TRPV3: variants seen among roughly 807,000 people sequenced by gnomAD.
TRPV3 encodes VRL-3.
TRPV3 carries 88 observed loss-of-function variants against 87.1 expected under a neutral mutation model. The observed-to-expected ratio is 1.01, with a 90% CI of 0.85 to 1.21. The LOEUF (loss-of-function observed/expected upper bound fraction) is 1.21. TRPV3 is among the 50% of genes most tolerant of loss of function. The pLI is 0.00. For synonymous variants in TRPV3, 438 were observed against 423.3 expected (o/e 1.03, Z -0.43); for missense variants, 1,054 against 1,030.1 (o/e 1.02, Z -0.32).
In TRPV3 at chr17:3,535,614, G is replaced by A; in HGVS notation, c.743C>T (p.Ala248Val). ...GTGTTGGTACTTGGGGTTGAAGAAG[G>A]CCCCCTTGGCGTGCGCGTTGACGTC... Reference protein sequence around the residue: ...GADVNAHAKGAFFNPKYQHEG... With the variant: ...GADVNAHAKGVFFNPKYQHEG... The change falls in exon 7 of 18, where the codon GCC becomes GTC. Residue 248 changes from alanine (A) to valine (V), a missense_variant. Ala to Val is a moderately conservative substitution (Grantham distance 64). Coordinates refer to ENST00000576742, the MANE Select transcript of TRPV3 (RefSeq NM_145068.4). 2.5e-6 allele frequency: 4 copies of A among 1,609,450 alleles called. No homozygotes were observed. The highest frequency in any genetic ancestry group is 2.5e-6 in the Non-Finnish European group (3 of 1,178,650).
At position 3,526,307 on chromosome 17, in the gene TRPV3, G is replaced by C. The variant is rs143407458; in HGVS notation, c.1577+547C>G. Among the ~76,000 whole-genome samples the C allele has an allele frequency of 4.0e-3, 606 of 152,092 alleles. 5 individuals carry two copies. Among genetic ancestry groups the C allele is most frequent in the African/African-American group, 0.014 (579 of 41,492 alleles). On this transcript the variant is annotated intron_variant, in intron 12 of 17. Transcript: ENST00000576742. ...AGCCTGACCAACATGGCGAAACCCTGTCTCTACTAAAAATACAAAAAGGAG... is the reference window on the plus strand; with the variant it reads ...AGCCTGACCAACATGGCGAAACCCTCTCTCTACTAAAAATACAAAAAGGAG...
Position 3,518,778 on chromosome 17 carries a change from G to A in TRPV3, c.1883C>T (p.Ala628Val). The change falls in exon 15 of 18, where the codon GCA becomes GTA. Residue 628 changes from alanine to valine, a missense_variant. Coordinates refer to ENST00000576742, the MANE Select transcript of TRPV3 (RefSeq NM_145068.4). This position sits in a 1 kb window ranked among gnomAD's most constrained non-coding sequence, Gnocchi z 4.3. ...GGTGAGCTTGAAGAGTTCCAGCACTGCGTCGCTGAAGCTGCCGTAGGAGCT... is the reference window on the plus strand; with the variant it reads ...GGTGAGCTTGAAGAGTTCCAGCACTACGTCGCTGAAGCTGCCGTAGGAGCT... ...DCSSYGSFSDAVLELFKLTIG... is the reference protein window; with the variant it reads ...DCSSYGSFSDVVLELFKLTIG... The A allele has an allele frequency of 6.2e-7, 1 of 1,614,126 alleles. No homozygotes were observed. The highest frequency in any genetic ancestry group is 8.5e-7 in the Non-Finnish European group (1 of 1,180,000).
chr17:3,513,883 C>T lies in TRPV3; in HGVS notation c.*34G>A. 6.4e-7 allele frequency: 1 copy of T among 1,565,658 alleles called. No homozygotes were observed. The highest frequency in any genetic ancestry group is 8.8e-7 in the Non-Finnish European group (1 of 1,138,222). ...CGGTGACTCCGCCTGCAGCGCCAGA[C>T]AGCGCACGCGCACACCAGCTCTGGG... is the stretch of plus-strand genomic sequence containing the variant. On this transcript the variant is annotated 3_prime_UTR_variant, in exon 18 of 18. Coordinates refer to ENST00000576742, the MANE Select transcript of TRPV3 (RefSeq NM_145068.4).
In TRPV3 at chr17:3,518,445, C is replaced by CCA; in HGVS notation, c.2085+129_2085+130dup. On this transcript the variant is annotated intron_variant, in intron 15 of 17. Transcript: ENST00000576742. The surrounding 1 kb of genome is among the most constrained non-coding windows in gnomAD (Gnocchi z 4.3). ...TAGGCTAAGGCCTCCTCAAACCTGG[C>CCA]CACACACTGAGGAGCTTGTGCAGAT... 9.0e-7 allele frequency: 1 copy of CCA among 1,107,074 alleles called. No homozygotes were observed. The allele number at this position is 1,107,074 out of a possible 1,614,324, so 68.6% of individuals were successfully genotyped here. A position where few individuals can be genotyped will look rare whatever the true frequency, so the allele number is the denominator to read the frequency against.
intron 13 of TRPV3, among the ~76,000 whole-genome samples, chr17:3,523,681 T>G (rs115371847): frequency 0.05 from 7,523 of 150,552 alleles, 628 homozygotes; most frequent in African/African-American, 0.17. Flanking sequence ...TCGCACCACT[T>G]TACTCTGGCC....
chr17:3,528,182 AC>A lies in TRPV3; in HGVS notation c.1402-57del. 7.0e-7 allele frequency: 1 copy of A among 1,431,204 alleles called. No homozygotes were observed. The highest frequency in any genetic ancestry group is 9.6e-7 in the Non-Finnish European group (1 of 1,041,810). 88.7% of individuals were successfully genotyped at this position (1,431,204 alleles called of 1,614,324 possible). On this transcript the variant is annotated intron_variant, in intron 10 of 17. Coordinates refer to ENST00000576742, the MANE Select transcript of TRPV3 (RefSeq NM_145068.4). The surrounding 1 kb of genome is among the most constrained non-coding windows in gnomAD (Gnocchi z 4.2). ...AGGAAGCAAGGAGGACAGGGCTGGC[AC>A]CAACTCTAGAGGGACCAAAACCCAG...
chr17:3,539,102 G>A (rs1257971616), intron 6 of TRPV3, among the ~76,000 whole-genome samples: 1 of 152,104 alleles, frequency 6.6e-6, no homozygotes, highest in Non-Finnish European at 1.5e-5. Context: ...GTGAAAAGAA[G>A]CTAGACTTTC....
chr17:3,522,440 AT>A (rs1429661640), intron 13 of TRPV3, among the ~76,000 whole-genome samples: 1 of 152,194 alleles, frequency 6.6e-6, no homozygotes, highest in Non-Finnish European at 1.5e-5. Context: ...TTATTACAGT[AT>A]ATTGTTATCA....
chr17:3,520,857 G>A (rs879328883), intron 14 of TRPV3, 116 bp downstream of exon 14: 40 of 548,626 alleles, frequency 7.3e-5, no homozygotes, highest in Non-Finnish European at 3.0e-5. Context: ...AGCATGGCAA[G>A]TGCCCCACTG....
At chr17:3,524,808 C>CAAAAAA (rs56919647) in intron 12 of TRPV3, among the ~76,000 whole-genome samples, 4 of 81,678 alleles carry the variant, frequency 4.9e-5, no homozygotes, top group East Asian at 3.1e-4. Flanking sequence ...CTTGTCTCTA[C>CAAAAAA]AAAAAAAAAA....
rs2150788933 is a variant in TRPV3 at position 3,529,015 on chromosome 17, A to G, written c.1243-20T>C. Reference sequence around the variant, plus strand: ...CCGGTTCTAGGGGTAGAATGCCACCAGTCACCATGGAGATGAGGGAGAGAG... The same window carrying G: ...CCGGTTCTAGGGGTAGAATGCCACCGGTCACCATGGAGATGAGGGAGAGAG... On this transcript the variant is annotated intron_variant, in intron 9 of 17. Coordinates refer to ENST00000576742, the MANE Select transcript of TRPV3 (RefSeq NM_145068.4). 6.2e-7 allele frequency: 1 copy of G among 1,614,078 alleles called. No individual in the cohort carries two copies. The highest frequency in any genetic ancestry group is 1.3e-5 in the African/African-American group (1 of 75,048).
intron 12 of TRPV3, among the ~76,000 whole-genome samples, chr17:3,526,482 T>TAA (rs112541565): frequency 7.0e-6 from 1 of 143,856 alleles, no homozygotes. Flanking sequence ...CCACCTCAAC[T>TAA]AAAAAAAAAA....
chr17:3,554,601 G>C lies in TRPV3; in HGVS notation c.119+131C>G, dbSNP rs891186247. 2.7e-5 allele frequency: 18 copies of C among 668,348 alleles called. No individual in the cohort carries two copies. In the African/African-American group the frequency reaches 2.7e-4, roughly 10 times the overall value. The allele number at this position is 668,348 out of a possible 1,614,324, so 41.4% of individuals were successfully genotyped here. On this transcript the variant is annotated intron_variant, in intron 2 of 17. Transcript: ENST00000576742. Reference sequence around the variant, plus strand: ...CCATCCCCTAGTCATACCTCGCCGGGCACCGGGCCACCCCGGGCGAGACTG... The same window carrying C: ...CCATCCCCTAGTCATACCTCGCCGGCCACCGGGCCACCCCGGGCGAGACTG...
intron 6 of TRPV3, among the ~76,000 whole-genome samples, chr17:3,541,497 C>T (rs2074460407): frequency 1.3e-5 from 2 of 152,206 alleles, no homozygotes; most frequent in Admixed American, 1.3e-4. Flanking sequence ...TGTTGACTGA[C>T]TCCAAAACTC....
At chr17:3,520,590 C>T (rs1370606667) in intron 14 of TRPV3, among the ~76,000 whole-genome samples, 2 of 152,152 alleles carry the variant, frequency 1.3e-5, no homozygotes, top group African/African-American at 4.8e-5. Context: ...TGGTTTGAAT[C>T]CTGGAGTCTC....
chr17:3,551,159 G>T (rs559403347), intron 2 of TRPV3, among the ~76,000 whole-genome samples: 1 of 152,352 alleles, frequency 6.6e-6, no homozygotes, highest in East Asian at 1.9e-4. Flanking sequence ...AAAGCCTCAG[G>T]AGAAGGGGAG....
chr17:3,541,828 C>A (rs934957740), intron 6 of TRPV3, among the ~76,000 whole-genome samples: 1 of 152,256 alleles, frequency 6.6e-6, no homozygotes, highest in Non-Finnish European at 1.5e-5. Flanking sequence ...ACTGTCCACT[C>A]TAAAGTTGCC....
Position 3,532,651 on chromosome 17 carries a change from C to A in TRPV3, c.1065+6G>T. ...CCTCCTGCCTCCCCACGCCCCATGG[C>A]CCCACCTCCGCCTTGCCCATCTTGG... is the stretch of plus-strand genomic sequence containing the variant. On this transcript the variant is annotated splice_donor_region_variant and intron_variant, in intron 8 of 17. Transcript: ENST00000576742. 1 of 1,613,558 alleles carries A rather than the reference C, an allele frequency of 6.2e-7. No individual in the cohort carries two copies. The highest frequency in any genetic ancestry group is 8.5e-7 in the Non-Finnish European group (1 of 1,179,808).
intron 15 of TRPV3, among the ~76,000 whole-genome samples, chr17:3,517,392 C>T (rs55682819): frequency 3.3e-5 from 5 of 151,888 alleles, no homozygotes; most frequent in South Asian, 2.1e-4. Flanking sequence ...CTGAGGCGGG[C>T]GAATCGCTTT....
Sources: gnomAD v4.1 joint callset for allele counts (sites outside exome capture counted in the v4.1 genomes callset) on GRCh38, gnomAD v4.1.1 for gene constraint, Gnocchi (gnomAD v3.1) non-coding constraint, MANE v1.5 for transcripts, NCBI Gene and HGNC (gene_info 2026-07-23, HGNC 2026-07-21) for gene names.